The following PCDHGA4 variants were observed in gnomAD, a reference collection of about 807,000 sequenced individuals.
PCDHGA4 encodes the protein protocadherin gamma subfamily A, 4.
In PCDHGA4, 38 loss-of-function variants were observed where a neutral mutation model predicts 54.6. The ratio of observed to expected loss-of-function variants is 0.70; its 90% CI spans 0.54 to 0.91. The LOEUF (loss-of-function observed/expected upper bound fraction) is 0.91, where lower values mean the gene tolerates loss of function less well. PCDHGA4 is among the 40% of genes least tolerant of loss of function. The pLI, the probability that PCDHGA4 is intolerant of heterozygous loss-of-function variation, is 0.00. For missense variants in PCDHGA4, 1,298 were observed against 1,220.9 expected, an observed-to-expected ratio of 1.06 and a Z score of -0.94; for synonymous variants, 511 against 512.9, an observed-to-expected ratio of 1.00 and a Z score of 0.05.
At chr5:141,393,404 G>A (rs1159260916) in intron 1 of PCDHGA4, 1 of 1,614,024 alleles carries the variant, frequency 6.2e-7, no homozygotes, top group Non-Finnish European at 8.5e-7. Context: ...TGGTGCTGGA[G>A]CGCGCCCTGG....
intron 1 of PCDHGA4, chr5:141,395,163 G>A: frequency 6.2e-7 from 1 of 1,614,160 alleles, no homozygotes; most frequent in Middle Eastern, 1.6e-4. Flanking sequence ...CAGTCAGGAG[G>A]GCTGTGAGAA....
chr5:141,474,407 G>A (rs1431210575), intron 1 of PCDHGA4, among the ~76,000 whole-genome samples: 2 of 152,230 alleles, frequency 1.3e-5, no homozygotes, highest in East Asian at 1.9e-4. Flanking sequence ...GCTCCCCGGT[G>A]ATGCCTAGAC....
chr5:141,404,085 A>G, intron 1 of PCDHGA4: 1 of 1,613,618 alleles, frequency 6.2e-7, no homozygotes, highest in South Asian at 1.1e-5. Context: ...GACTCCGGGA[A>G]GAATGGTCAA....
At chr5:141,365,190 A>C (rs1188827131) in intron 1 of PCDHGA4, 1 of 1,613,890 alleles carries the variant, frequency 6.2e-7, no homozygotes, top group South Asian at 1.1e-5. Context: ...GAAGAAGAAA[A>C]AATTTCGGAG....
intron 1 of PCDHGA4, among the ~76,000 whole-genome samples, chr5:141,481,836 G>A (rs1435746995): frequency 2.7e-5 from 4 of 150,638 alleles, no homozygotes; most frequent in Non-Finnish European, 5.9e-5. Context: ...CAGGAGAATC[G>A]CTTGATGGTG....
intron 1 of PCDHGA4, among the ~76,000 whole-genome samples, chr5:141,456,073 A>G (rs1490650582): frequency 2.6e-5 from 4 of 151,252 alleles, no homozygotes; most frequent in Non-Finnish European, 5.9e-5. Flanking sequence ...AATTTTTTGT[A>G]TTTTCAGTAG....
chr5:141,390,645 G>C (rs1287845868), intron 1 of PCDHGA4: 1 of 218,998 alleles, frequency 4.6e-6, no homozygotes, highest in Admixed American at 5.3e-5. Context: ...ACTTTTTTCA[G>C]CTTGGATATA....
chr5:141,389,814 G>T, intron 1 of PCDHGA4: 3 of 1,613,868 alleles, frequency 1.9e-6, no homozygotes, highest in Non-Finnish European at 2.5e-6. Flanking sequence ...TCTGGTCGCC[G>T]TGCGTGACGG....
Position 141,491,742 on chromosome 5 carries a change from C to CA in PCDHGA4, c.2515-3064dup. The CA allele has an allele frequency of 3.1e-6, 5 of 1,596,114 alleles. No individual in the cohort carries two copies. Among genetic ancestry groups the CA allele is most frequent in the Non-Finnish European group, 4.3e-6 (5 of 1,172,424 alleles). ...CGCCCCGGGCGACCCCTGGGGGCGG[C>CA]ACTGGAGAAGCCGCCCGTCCTCATA... On this transcript the variant is annotated intron_variant, in intron 1 of 3. Coordinates refer to ENST00000571252, the MANE Select transcript of PCDHGA4 (RefSeq NM_018917.4). This position sits in a 1 kb window ranked among gnomAD's most constrained non-coding sequence, Gnocchi z 6.9.
chr5:141,399,071 T>C (rs2093748237), intron 1 of PCDHGA4: 1 of 1,613,808 alleles, frequency 6.2e-7, no homozygotes. Flanking sequence ...TCAATGGTTG[T>C]AGAAGGGAGG....
In PCDHGA4 at chr5:141,472,994, A is replaced by G. The variant is rs188075835; in HGVS notation, c.2515-21813A>G. Among the ~76,000 whole-genome samples, 1,141 of 151,802 alleles carry G rather than the reference A, an allele frequency of 7.5e-3. 5 individuals carry two copies. The highest frequency in any genetic ancestry group is 0.017 in the Middle Eastern group (5 of 294). ...AGAGTGAAACTCAAAAAAAAAAAAA[A>G]AAAGAAAGAAAAAGAAAAAGAAAGA... On this transcript the variant is annotated intron_variant, in intron 1 of 3. Transcript: ENST00000571252.
intron 1 of PCDHGA4, chr5:141,372,274 G>A (rs767978142): frequency 6.2e-7 from 1 of 1,613,078 alleles, no homozygotes; most frequent in East Asian, 2.2e-5. Flanking sequence ...GGTGAGGTGC[G>A]CACGGCGCGT....
At chr5:141,374,467 C>T (rs1430397717) in intron 1 of PCDHGA4, 2 of 1,612,694 alleles carry the variant, frequency 1.2e-6, no homozygotes, top group Non-Finnish European at 1.7e-6. Flanking sequence ...ACATTAATGA[C>T]AATACACCCC....
At position 141,481,719 on chromosome 5, in the gene PCDHGA4, G is replaced by A. The variant is rs1055207250; in HGVS notation, c.2515-13088G>A. On this transcript the variant is annotated intron_variant, in intron 1 of 3. Coordinates refer to ENST00000571252, the MANE Select transcript of PCDHGA4 (RefSeq NM_018917.4). ...CTGTAATCCCAGCACTTTGGGAGGC[G>A]GAGGCGGGCGGATCACGAGGTCAGG... 5.3e-5 allele frequency among the ~76,000 whole-genome samples: 8 copies of A among 151,716 alleles called. No homozygotes were observed. In the East Asian group the frequency reaches 9.7e-4, roughly 18 times the overall value.
In PCDHGA4 at chr5:141,364,057, TTATAAC is replaced by T. The variant is rs1347716169; in HGVS notation, c.2514+6439_2514+6444del. 2.6e-5 allele frequency among the ~76,000 whole-genome samples: 4 copies of T among 152,286 alleles called. No individual in the cohort carries two copies. In the East Asian group the frequency reaches 7.7e-4, roughly 29 times the overall value. Reference sequence around the variant, plus strand: ...TATGGCAACATTATTAGAAATAAAATTATAACTAAACTTAGGAGAAATAAAAATGGA... The same window carrying T: ...TATGGCAACATTATTAGAAATAAAATTAAACTTAGGAGAAATAAAAATGGA... On this transcript the variant is annotated intron_variant, in intron 1 of 3. Coordinates refer to ENST00000571252, the MANE Select transcript of PCDHGA4 (RefSeq NM_018917.4).
intron 1 of PCDHGA4, among the ~76,000 whole-genome samples, chr5:141,465,090 A>G (rs566511602): frequency 6.7e-6 from 1 of 149,576 alleles, no homozygotes; most frequent in Admixed American, 6.7e-5. Flanking sequence ...TCATTTTTCT[A>G]GTAGTTTTTT....
At chr5:141,384,943 G>T in intron 1 of PCDHGA4, 1 of 1,613,996 alleles carries the variant, frequency 6.2e-7, no homozygotes, top group Non-Finnish European at 8.5e-7. Flanking sequence ...TGAGCCCTCC[G>T]ACGGTCCTTA....
rs771447398 is a variant in PCDHGA4 at position 141,356,654 on chromosome 5, C to G, written c.1547C>G (p.Ala516Gly). Reference protein sequence around the residue: ...TAQDPDSGDNARITYSLAEDT... With the variant: ...TAQDPDSGDNGRITYSLAEDT... ...CAAGACCCTGACAGTGGTGACAATGCCCGAATCACTTACTCCCTGGCCGAA... is the reference window on the plus strand; with the variant it reads ...CAAGACCCTGACAGTGGTGACAATGGCCGAATCACTTACTCCCTGGCCGAA... The change falls in exon 1 of 4, where the codon GCC becomes GGC. Residue 516 changes from alanine (A) to glycine (G), a missense_variant. Coordinates refer to ENST00000571252, the MANE Select transcript of PCDHGA4 (RefSeq NM_018917.4). 1 of 1,613,898 alleles carries G rather than the reference C, an allele frequency of 6.2e-7. No individual in the cohort carries two copies. Among genetic ancestry groups the G allele is most frequent in the African/African-American group, 1.3e-5 (1 of 74,900 alleles).
At chr5:141,466,054 G>A (rs2099115921) in intron 1 of PCDHGA4, among the ~76,000 whole-genome samples, 1 of 152,080 alleles carries the variant, frequency 6.6e-6, no homozygotes, top group Non-Finnish European at 1.5e-5. Context: ...CCCAGGAGAC[G>A]GAGCTTGCAG....
Sources: allele counts gnomAD v4.1 joint callset (sites outside exome capture counted in the v4.1 genomes callset), GRCh38; gene constraint gnomAD v4.1.1; non-coding constraint Gnocchi (gnomAD v3.1); transcripts MANE v1.5; gene names NCBI Gene and HGNC (gene_info 2026-07-23, HGNC 2026-07-21).